TMEM108: variants seen among roughly 807,000 people sequenced by gnomAD.
TMEM108 encodes the protein transmembrane protein 108.
In TMEM108, 12 loss-of-function variants were observed where a neutral mutation model predicts 35.1. The observed-to-expected ratio is 0.34, with a 90% CI of 0.22 to 0.55. TMEM108 has a LOEUF of 0.55. Ranked by LOEUF, TMEM108 falls within the 20% of genes least tolerant of loss-of-function variation. The probability of loss-of-function intolerance (pLI) is 0.89; values close to 1 mark genes in which losing one functional copy is unlikely to be tolerated. For synonymous variants in TMEM108, 287 were observed against 308.6 expected (o/e 0.93, Z 0.73); for missense variants, 680 against 753.3 (o/e 0.90, Z 1.14).
intron 2 of TMEM108, among the ~76,000 whole-genome samples, chr3:133,212,379 G>A (rs1945844701): frequency 6.6e-6 from 1 of 152,200 alleles, no homozygotes; most frequent in South Asian, 2.1e-4. Flanking sequence ...TTTGGTGTGA[G>A]TCAAAAAACC....
chr3:133,124,234 C>T (rs545837184), intron 2 of TMEM108, among the ~76,000 whole-genome samples: 2 of 152,246 alleles, frequency 1.3e-5, no homozygotes, highest in Admixed American at 6.5e-5. Flanking sequence ...ACCAAAATAA[C>T]CGAAATGAAG....
intron 2 of TMEM108, among the ~76,000 whole-genome samples, chr3:133,214,707 T>C (rs1482654876): frequency 1.3e-5 from 2 of 152,126 alleles, no homozygotes; most frequent in African/African-American, 4.8e-5. Context: ...CTGGTACCAG[T>C]CCATGGCCTG....
At chr3:133,100,847 G>A (rs1301305238) in intron 2 of TMEM108, among the ~76,000 whole-genome samples, 1 of 152,090 alleles carries the variant, frequency 6.6e-6, no homozygotes, top group Admixed American at 6.5e-5. Context: ...ACCCTACATT[G>A]TAGAGATAAT....
chr3:133,357,680 A>C (rs2107785761), intron 3 of TMEM108, among the ~76,000 whole-genome samples: 1 of 152,350 alleles, frequency 6.6e-6, no homozygotes. Flanking sequence ...TTAGGAATGC[A>C]AAACCAAATA....
chr3:133,387,835 G>A (rs1358335090), intron 4 of TMEM108: 2 of 985,176 alleles, frequency 2.0e-6, no homozygotes, highest in Non-Finnish European at 2.4e-6. Context: ...TTCTAAATTC[G>A]ATGTCCCTTT....
chr3:133,130,008 T>C (rs1944470288), intron 2 of TMEM108, among the ~76,000 whole-genome samples: 1 of 152,134 alleles, frequency 6.6e-6, no homozygotes, highest in African/African-American at 2.4e-5. Flanking sequence ...AAGGACTTTT[T>C]TGCAAATAAT....
chr3:133,057,807 G>T (rs1943489063), intron 2 of TMEM108, among the ~76,000 whole-genome samples: 1 of 152,068 alleles, frequency 6.6e-6, no homozygotes, highest in African/African-American at 2.4e-5. Flanking sequence ...TAACTTTTTT[G>T]AATGGAGAGA....
chr3:133,065,198 G>A (rs1943581059), intron 2 of TMEM108, among the ~76,000 whole-genome samples: 1 of 151,654 alleles, frequency 6.6e-6, no homozygotes, highest in Non-Finnish European at 1.5e-5. Flanking sequence ...ATTTTTTTTA[G>A]CACTATGTAT....
intron 2 of TMEM108, among the ~76,000 whole-genome samples, chr3:133,162,831 G>C (rs1944980467): frequency 6.6e-6 from 1 of 152,220 alleles, no homozygotes; most frequent in South Asian, 2.1e-4. Context: ...TCATTTGTAT[G>C]CAGTAAAATG....
intron 3 of TMEM108, among the ~76,000 whole-genome samples, chr3:133,275,435 A>G (rs1946825899): frequency 6.6e-6 from 1 of 152,220 alleles, no homozygotes; most frequent in South Asian, 2.1e-4. Flanking sequence ...TTTGAAATTC[A>G]ATGTGTATTT....
chr3:133,070,488 T>C (rs771580763), intron 2 of TMEM108, among the ~76,000 whole-genome samples: 3 of 152,096 alleles, frequency 2.0e-5, no homozygotes, highest in African/African-American at 7.2e-5. Context: ...GGATTCTCCA[T>C]TGGAAAAGGC....
At chr3:133,302,896 C>T (rs577252509) in intron 3 of TMEM108, among the ~76,000 whole-genome samples, 1 of 152,254 alleles carries the variant, frequency 6.6e-6, no homozygotes, top group East Asian at 1.9e-4. Flanking sequence ...GTTGAAGCCT[C>T]ATGCTCCACT....
At chr3:133,154,096 A>G (rs989966879) in intron 2 of TMEM108, among the ~76,000 whole-genome samples, 2 of 152,154 alleles carry the variant, frequency 1.3e-5, no homozygotes, top group East Asian at 3.9e-4. Context: ...TCTTTTGAGA[A>G]GTGTCTGTTC....
chr3:133,061,051 A>G (rs1232273371), intron 2 of TMEM108, among the ~76,000 whole-genome samples: 2 of 152,190 alleles, frequency 1.3e-5, no homozygotes, highest in East Asian at 3.8e-4. Context: ...AACATAAATA[A>G]TATGAGCCTA....
chr3:133,108,646 G>A (rs1003977198), intron 2 of TMEM108, among the ~76,000 whole-genome samples: 4 of 152,012 alleles, frequency 2.6e-5, no homozygotes, highest in African/African-American at 9.7e-5. Flanking sequence ...TATCAATTTT[G>A]GCTTTTGTTT....
intron 2 of TMEM108, among the ~76,000 whole-genome samples, chr3:133,176,774 A>G (rs1489251528): frequency 6.6e-6 from 1 of 152,214 alleles, no homozygotes; most frequent in Non-Finnish European, 1.5e-5. Flanking sequence ...GCAAGAGCAA[A>G]CACATTCAAA....
chr3:133,358,986 CTCT>C (rs2072263601), intron 3 of TMEM108, among the ~76,000 whole-genome samples: 1 of 152,186 alleles, frequency 6.6e-6, no homozygotes, highest in South Asian at 2.1e-4. Flanking sequence ...AGCCTGCCAT[CTCT>C]TCTTATAAAT....
At chr3:133,156,867 T>TTTTTC (rs1374691706) in intron 2 of TMEM108, among the ~76,000 whole-genome samples, 1 of 152,180 alleles carries the variant, frequency 6.6e-6, no homozygotes, top group Non-Finnish European at 1.5e-5. Flanking sequence ...TTTTCCCCTT[T>TTTTTC]TTTTCTCTGC....
intron 2 of TMEM108, among the ~76,000 whole-genome samples, chr3:133,127,310 A>G (rs960245833): frequency 6.6e-6 from 1 of 152,234 alleles, no homozygotes; most frequent in Non-Finnish European, 1.5e-5. Flanking sequence ...GCCACGTTTT[A>G]AGCACTCAGT....
Sources: allele counts gnomAD v4.1 joint callset (sites outside exome capture counted in the v4.1 genomes callset), GRCh38; gene constraint gnomAD v4.1.1; transcripts MANE v1.5; gene names NCBI Gene and HGNC (gene_info 2026-07-23, HGNC 2026-07-21).